Variants in RHEB observed in about 807,000 individuals in gnomAD.
RHEB encodes GTP-binding protein Rheb.
Under a neutral mutation model 28.8 loss-of-function variants are expected in RHEB, and 2 were observed. The observed-to-expected ratio is 0.07, with a 90% CI of 0.03 to 0.22. RHEB has a LOEUF of 0.22. Among genes scored for constraint, RHEB ranks in the 10% least tolerant of loss-of-function variants. The probability of loss-of-function intolerance (pLI) is 1.00; values close to 1 mark genes in which losing one functional copy is unlikely to be tolerated. For synonymous variants in RHEB, 69 were observed against 77.3 expected (o/e 0.89, Z 0.56); for missense variants, 76 against 219.9 (o/e 0.35, Z 4.14).
intron 1 of RHEB, among the ~76,000 whole-genome samples, chr7:151,514,146 A>G (rs1190925517): frequency 6.6e-6 from 1 of 152,246 alleles, no homozygotes; most frequent in Non-Finnish European, 1.5e-5. Flanking sequence ...TTTTAACAAA[A>G]GAAGCTAGGG....
intron 1 of RHEB, chr7:151,498,176 G>A (rs1356274958): frequency 2.3e-6 from 3 of 1,289,174 alleles, no homozygotes; most frequent in South Asian, 1.2e-5. Context: ...CCTGGCTTGA[G>A]GAACCTTCAA....
At chr7:151,510,723 A>G (rs1000215601) in intron 1 of RHEB, among the ~76,000 whole-genome samples, 1 of 152,224 alleles carries the variant, frequency 6.6e-6, no homozygotes, top group African/African-American at 2.4e-5. Context: ...GCAGTGATTC[A>G]ATCTTTGGGG....
chr7:151,496,215 C>CAGT (rs1802669376), intron 1 of RHEB, among the ~76,000 whole-genome samples: 1 of 152,164 alleles, frequency 6.6e-6, no homozygotes, highest in Non-Finnish European at 1.5e-5. Context: ...GCCTTTGCAC[C>CAGT]AGTAATCCTC....
intron 4 of RHEB, among the ~76,000 whole-genome samples, chr7:151,476,155 C>A (rs893735911): frequency 6.6e-6 from 1 of 152,152 alleles, no homozygotes; most frequent in Non-Finnish European, 1.5e-5. Flanking sequence ...CATTTTATAG[C>A]TAGAACTCAA....
At chr7:151,500,727 T>G (rs149107132) in intron 1 of RHEB, among the ~76,000 whole-genome samples, 273 of 152,274 alleles carry the variant, frequency 1.8e-3, no homozygotes, top group South Asian at 0.012. Context: ...TTGGTTTGTA[T>G]CCTATAAAAA....
At chr7:151,504,322 A>G (rs1563100077) in intron 1 of RHEB, among the ~76,000 whole-genome samples, 1 of 152,092 alleles carries the variant, frequency 6.6e-6, no homozygotes, top group Non-Finnish European at 1.5e-5. Context: ...AGTGGGGGGA[A>G]AAAATCCACC....
intron 7 of RHEB, chr7:151,470,293 C>T (rs908422701): frequency 4.5e-6 from 1 of 220,116 alleles, no homozygotes; most frequent in African/African-American, 2.3e-5. Flanking sequence ...TTAATACAAA[C>T]CAAAAATATA....
At chr7:151,479,005 C>T (rs1267597804) in intron 3 of RHEB, among the ~76,000 whole-genome samples, 1 of 152,032 alleles carries the variant, frequency 6.6e-6, no homozygotes, top group East Asian at 1.9e-4. Context: ...GCTACTGTGC[C>T]CGGCCTTTAA....
At chr7:151,483,298 A>G (rs1376694524) in intron 3 of RHEB, among the ~76,000 whole-genome samples, 1 of 152,232 alleles carries the variant, frequency 6.6e-6, no homozygotes, top group African/African-American at 2.4e-5. Context: ...CCAAACCCAC[A>G]GGACAGGTCA....
At chr7:151,475,849 A>G (rs867427009) in intron 4 of RHEB, among the ~76,000 whole-genome samples, 1 of 152,224 alleles carries the variant, frequency 6.6e-6, no homozygotes, top group Admixed American at 6.5e-5. Context: ...TAAAAATATA[A>G]AAACATGGAA....
chr7:151,505,495 T>G (rs1243919559), intron 1 of RHEB, among the ~76,000 whole-genome samples: 1 of 152,142 alleles, frequency 6.6e-6, no homozygotes, highest in Non-Finnish European at 1.5e-5. Flanking sequence ...AGGCCGCCAA[T>G]ACCAAGTATC....
intron 3 of RHEB, among the ~76,000 whole-genome samples, chr7:151,481,858 T>C (rs995883090): frequency 6.6e-6 from 1 of 152,212 alleles, no homozygotes; most frequent in Non-Finnish European, 1.5e-5. Flanking sequence ...CATATACTCT[T>C]CCTAAACACT....
At chr7:151,496,539 C>T (rs1802676196) in intron 1 of RHEB, among the ~76,000 whole-genome samples, 1 of 152,122 alleles carries the variant, frequency 6.6e-6, no homozygotes, top group Non-Finnish European at 1.5e-5. Context: ...CCTTCTATCT[C>T]AGTTATACAT....
At chr7:151,479,347 G>A (rs758625992) in intron 3 of RHEB, among the ~76,000 whole-genome samples, 16 of 152,100 alleles carry the variant, frequency 1.1e-4, no homozygotes, top group Non-Finnish European at 2.2e-4. Flanking sequence ...AAAACGATGC[G>A]TATGATAGAT....
At chr7:151,492,052 T>C (rs1334157950) in intron 1 of RHEB, among the ~76,000 whole-genome samples, 1 of 152,156 alleles carries the variant, frequency 6.6e-6, no homozygotes, top group Non-Finnish European at 1.5e-5. Flanking sequence ...GAGGAAGTGG[T>C]CTCTCCCTAA....
At chr7:151,470,789 G>A (rs774247347) in intron 6 of RHEB, 137 bp from the exon 7 acceptor site, 12 of 602,020 alleles carry the variant, frequency 2.0e-5, no homozygotes, top group Non-Finnish European at 3.2e-5. Context: ...CCTAACATTA[G>A]CATCAAGAAT....
At chr7:151,473,007 A>G (rs1349599907) in intron 4 of RHEB, among the ~76,000 whole-genome samples, 1 of 152,224 alleles carries the variant, frequency 6.6e-6, no homozygotes, top group Admixed American at 6.5e-5. Flanking sequence ...CGTGAGAAAC[A>G]GCTGAAAGAA....
chr7:151,479,576 A>C (rs767626125), intron 3 of RHEB, among the ~76,000 whole-genome samples: 11 of 151,044 alleles, frequency 7.3e-5, no homozygotes, highest in Non-Finnish European at 1.0e-4. Flanking sequence ...CCAGCTACTC[A>C]GGAGGCTGAG....
rs1281523734 is a variant in RHEB, at chr7:151,471,538, G to A, written c.332+11C>T. ...GTTTCTCTAACAAGCAGATAAAATG[G>A]TACTACTTACTGTACTTTCCCCACC... On this transcript the variant is annotated intron_variant, in intron 5 of 7. Coordinates refer to ENST00000262187, the MANE Select transcript of RHEB (RefSeq NM_005614.4). The A allele has an allele frequency of 1.3e-6, 2 of 1,597,268 alleles. No homozygotes were observed. Among genetic ancestry groups the A allele is most frequent in the Non-Finnish European group, 1.7e-6 (2 of 1,167,352 alleles).
Sources: allele counts gnomAD v4.1 joint callset (sites outside exome capture counted in the v4.1 genomes callset), GRCh38; gene constraint gnomAD v4.1.1; transcripts MANE v1.5; gene names NCBI Gene and HGNC (gene_info 2026-07-23, HGNC 2026-07-21).